The following MGAT4C variants were observed in gnomAD, a reference collection of about 807,000 sequenced individuals.
The protein encoded by MGAT4C is MGAT4 family member C.
In MGAT4C, 19 loss-of-function variants were observed where a neutral mutation model predicts 40.1. That is an observed-to-expected ratio of 0.47 (90% CI 0.33 to 0.70). MGAT4C has a LOEUF of 0.70. MGAT4C is among the 30% of genes least tolerant of loss of function. The pLI, the probability that MGAT4C is intolerant of heterozygous loss-of-function variation, is 0.02. For synonymous variants in MGAT4C, 181 were observed against 187.1 expected (o/e 0.97, Z 0.27); for missense variants, 491 against 563.2 (o/e 0.87, Z 1.30).
At chr12:86,634,796 G>A (rs983174034) in intron 2 of MGAT4C, among the ~76,000 whole-genome samples, 1 of 152,078 alleles carries the variant, frequency 6.6e-6, no homozygotes, top group African/African-American at 2.4e-5. Context: ...TCTTATATAA[G>A]CTAAAATAGT....
At chr12:86,606,007 C>T (rs544811028) in intron 2 of MGAT4C, among the ~76,000 whole-genome samples, 4 of 152,072 alleles carry the variant, frequency 2.6e-5, no homozygotes, top group Non-Finnish European at 4.4e-5. Flanking sequence ...TGTCAGAAGG[C>T]GAAGGGTAAG....
chr12:86,805,844 G>A (rs1593224373), intron 1 of MGAT4C, among the ~76,000 whole-genome samples: 1 of 151,976 alleles, frequency 6.6e-6, no homozygotes, highest in African/African-American at 2.4e-5. Flanking sequence ...CACCAGCAGT[G>A]TATAAGCATT....
chr12:86,711,375 A>G (rs1482737755), intron 2 of MGAT4C, among the ~76,000 whole-genome samples: 1 of 151,972 alleles, frequency 6.6e-6, no homozygotes, highest in Non-Finnish European at 1.5e-5. Context: ...AAAGTTGAAC[A>G]TTAGGAACCA....
At chr12:86,057,077 TA>T (rs990406303) in intron 1 of MGAT4C, among the ~76,000 whole-genome samples, 16 of 152,204 alleles carry the variant, frequency 1.1e-4, no homozygotes, top group African/African-American at 2.4e-4. Flanking sequence ...TAATTTTATT[TA>T]AAAAAATTTC....
chr12:86,708,385 C>G (rs192121629), intron 2 of MGAT4C, among the ~76,000 whole-genome samples: 6 of 152,340 alleles, frequency 3.9e-5, no homozygotes, highest in South Asian at 4.1e-4. Context: ...GGGGTCCAGA[C>G]AGAAGTTTGC....
At chr12:86,779,332 C>T (rs950901525) in intron 1 of MGAT4C, among the ~76,000 whole-genome samples, 1 of 152,046 alleles carries the variant, frequency 6.6e-6, no homozygotes, top group Non-Finnish European at 1.5e-5. Flanking sequence ...TAGTGGCTTA[C>T]ATCTGTAAAC....
intron 2 of MGAT4C, among the ~76,000 whole-genome samples, chr12:86,449,657 A>G (rs1303261197): frequency 6.6e-6 from 1 of 152,170 alleles, no homozygotes; most frequent in East Asian, 1.9e-4. Context: ...TGAAATTTTT[A>G]TAGATGTAAT....
chr12:86,530,219 C>T (rs1592956235), intron 2 of MGAT4C, among the ~76,000 whole-genome samples: 1 of 151,910 alleles, frequency 6.6e-6, no homozygotes, highest in East Asian at 1.9e-4. Context: ...TGCCTTGAAA[C>T]CTAAACCCCT....
intron 1 of MGAT4C, among the ~76,000 whole-genome samples, chr12:86,828,331 T>G (rs1382312122): frequency 6.6e-6 from 1 of 151,292 alleles, no homozygotes; most frequent in African/African-American, 2.4e-5. Context: ...CGAGATATGT[T>G]AAACAAGTAA....
upstream of MGAT4C, among the ~76,000 whole-genome samples, chr12:86,259,991 C>A (rs554479327): frequency 1.7e-5 from 1 of 59,020 alleles, no homozygotes; most frequent in Non-Finnish European, 3.5e-5. Context: ...AGGAAGCTAA[C>A]CAATTTTAAT....
At chr12:86,197,341 ATATACACATATACATATATGTATACATT>A in intron 1 of MGAT4C, among the ~76,000 whole-genome samples, 1 of 152,204 alleles carries the variant, frequency 6.6e-6, no homozygotes, top group Non-Finnish European at 1.5e-5. Context: ...ACATATATAC[ATATACACATATACATATATGTATACATT>A]TATACACATA....
At chr12:86,267,883 C>T (rs1274737440) in intron 4 of MGAT4C, among the ~76,000 whole-genome samples, 1 of 152,100 alleles carries the variant, frequency 6.6e-6, no homozygotes. Context: ...TGCAAACAAG[C>T]AATGCAATTC....
chr12:86,265,649 G>A (rs1407830689), intron 4 of MGAT4C, among the ~76,000 whole-genome samples: 1 of 151,980 alleles, frequency 6.6e-6, no homozygotes, highest in African/African-American at 2.4e-5. Flanking sequence ...GGTCTTTTTG[G>A]TTTCATATAC....
intron 2 of MGAT4C, among the ~76,000 whole-genome samples, chr12:86,692,325 A>T (rs1253297404): frequency 6.6e-6 from 1 of 152,218 alleles, no homozygotes; most frequent in Non-Finnish European, 1.5e-5. Context: ...ATTACATGTT[A>T]TCACATGTAT....
chr12:86,720,382 G>T (rs191898437), intron 2 of MGAT4C, among the ~76,000 whole-genome samples: 2 of 152,118 alleles, frequency 1.3e-5, no homozygotes, highest in Non-Finnish European at 2.9e-5. Flanking sequence ...AAGCCCTCAG[G>T]TTCAAGGTGG....
chr12:86,007,145 C>T (rs927121970), intron 2 of MGAT4C, among the ~76,000 whole-genome samples: 6 of 151,970 alleles, frequency 3.9e-5, no homozygotes, highest in African/African-American at 1.2e-4. Flanking sequence ...GCATTTTCAA[C>T]TGTGTTCAAT....
intron 2 of MGAT4C, among the ~76,000 whole-genome samples, chr12:86,578,923 CT>C (rs1342499490): frequency 1.3e-5 from 2 of 150,722 alleles, no homozygotes; most frequent in East Asian, 3.9e-4. Context: ...ATATAGTGAC[CT>C]TGTCTCTTAT....
At chr12:86,749,179 G>A (rs1951197575) in intron 1 of MGAT4C, among the ~76,000 whole-genome samples, 1 of 151,482 alleles carries the variant, frequency 6.6e-6, no homozygotes, top group South Asian at 2.1e-4. Flanking sequence ...GTTTTTCTCA[G>A]TAGTTAAATA....
At chr12:86,022,575 G>C (rs1351383495) in intron 2 of MGAT4C, 2 of 152,104 alleles carry the variant, frequency 1.3e-5, no homozygotes, top group Non-Finnish European at 2.9e-5. Flanking sequence ...TAATTGCTAG[G>C]CATGCTGGTG....
Sources: allele counts gnomAD v4.1 joint callset (sites outside exome capture counted in the v4.1 genomes callset), GRCh38; gene constraint gnomAD v4.1.1; transcripts MANE v1.5; gene names NCBI Gene and HGNC (gene_info 2026-07-23, HGNC 2026-07-21).